HTR2C: variants seen among roughly 807,000 people sequenced by gnomAD.
HTR2C encodes 5-hydroxytryptamine receptor 2C.
A neutral mutation model predicts 21.0 loss-of-function variants in HTR2C; 5 were observed. That is an observed-to-expected ratio of 0.24 (90% confidence interval 0.12 to 0.50). HTR2C has a LOEUF of 0.50. Ranked by LOEUF, HTR2C falls within the 20% of genes least tolerant of loss-of-function variation. The pLI is 0.98. For synonymous variants in HTR2C, 150 were observed against 145.3 expected (o/e 1.03, Z -0.23); for missense variants, 271 against 371.2 (o/e 0.73, Z 2.22).
intron 2 of HTR2C, among the ~76,000 whole-genome samples, chrX:114,650,840 G>A (rs1269219832): frequency 9.0e-6 from 1 of 111,349 alleles, no homozygotes; most frequent in African/African-American, 3.3e-5. Context: ...ATCTAGTCAG[G>A]GCTGTCGAAT....
intron 2 of HTR2C, among the ~76,000 whole-genome samples, chrX:114,646,715 T>G (rs1031713082): frequency 2.7e-5 from 3 of 112,274 alleles, no homozygotes; most frequent in Non-Finnish European, 5.6e-5. Context: ...TTGTTGCCTG[T>G]GCTTTTGGGG....
chrX:114,809,530 C>T (rs1430864643), intron 4 of HTR2C, among the ~76,000 whole-genome samples: 2 of 109,191 alleles, frequency 1.8e-5, no homozygotes, highest in East Asian at 5.8e-4. Context: ...CTTACAGGCG[C>T]CCGCCACCAC....
intron 4 of HTR2C, among the ~76,000 whole-genome samples, chrX:114,800,285 T>C (rs782210421): frequency 1.3e-3 from 147 of 111,813 alleles, no homozygotes; most frequent in African/African-American, 4.5e-3. Context: ...TAGAACACCA[T>C]ATTTTTCCTG....
intron 1 of HTR2C, among the ~76,000 whole-genome samples, chrX:114,608,216 C>T (rs782333379): frequency 9.0e-6 from 1 of 111,362 alleles, no homozygotes; most frequent in Non-Finnish European, 1.9e-5. Flanking sequence ...CTTTTTCCTT[C>T]GAAGTAATGG....
At chrX:114,601,795 G>T (rs1365063053) in intron 1 of HTR2C, among the ~76,000 whole-genome samples, 21 of 103,863 alleles carry the variant, frequency 2.0e-4, no homozygotes, top group African/African-American at 5.3e-4. Flanking sequence ...GAAAATTTTG[G>T]GGGGGTGGTA....
chrX:114,586,107 G>A (rs1015863680), intron 1 of HTR2C, among the ~76,000 whole-genome samples: 4 of 112,067 alleles, frequency 3.6e-5, no homozygotes, highest in Non-Finnish European at 7.5e-5. Context: ...GAAACAAGGT[G>A]TTACTGTGTA....
chrX:114,594,077 T>C (rs1927737200), intron 1 of HTR2C, among the ~76,000 whole-genome samples: 2 of 110,951 alleles, frequency 1.8e-5, no homozygotes, highest in African/African-American at 6.7e-5. Flanking sequence ...AAGATATCTT[T>C]GGCTATTAAT....
intron 4 of HTR2C, among the ~76,000 whole-genome samples, chrX:114,800,756 A>G (rs1374387071): frequency 8.9e-6 from 1 of 111,741 alleles, no homozygotes; most frequent in Non-Finnish European, 1.9e-5. Context: ...CAATAAAGAC[A>G]AAGACCAATC....
intron 2 of HTR2C, among the ~76,000 whole-genome samples, chrX:114,721,831 T>A (rs1933229542): frequency 9.2e-6 from 1 of 109,209 alleles, no homozygotes; most frequent in South Asian, 4.1e-4. Flanking sequence ...TAGTTGTAGG[T>A]ATGCGGCGTT....
rs1049486055 is a variant in HTR2C at position 114,847,927 on chromosome X, A to G, written c.350-76A>G. The G allele has an allele frequency of 2.0e-5, 15 of 764,592 alleles. No homozygotes were observed. In the African/African-American group the frequency reaches 3.0e-4, roughly 15 times the overall value. 63.0% of individuals were successfully genotyped at this position (764,592 alleles called of 1,213,427 possible). ...AAAGGTTTAGATTATGAGAAAATAT[A>G]AGCAGACTAAAATTTGAGACTATAG... On this transcript the variant is annotated intron_variant, in intron 4 of 5. Transcript: ENST00000276198.
chrX:114,879,413 T>A (rs2147517697), intron 5 of HTR2C, among the ~76,000 whole-genome samples: 1 of 110,358 alleles, frequency 9.1e-6, no homozygotes, highest in South Asian at 3.8e-4. Context: ...GGGATTCTCT[T>A]ATGAAAACTT....
intron 2 of HTR2C, among the ~76,000 whole-genome samples, chrX:114,628,858 A>C (rs1363052039): frequency 8.9e-6 from 1 of 112,167 alleles, no homozygotes; most frequent in Non-Finnish European, 1.9e-5. Context: ...ATTTAGGATT[A>C]AGGCTGTTGA....
intron 4 of HTR2C, among the ~76,000 whole-genome samples, chrX:114,789,779 C>G (rs1432708036): frequency 1.8e-5 from 2 of 111,098 alleles, no homozygotes; most frequent in African/African-American, 6.6e-5. Flanking sequence ...TGGGGATGAT[C>G]ATAGTATGTG....
At chrX:114,851,754 C>T (rs1300010912) in intron 5 of HTR2C, among the ~76,000 whole-genome samples, 4 of 111,317 alleles carry the variant, frequency 3.6e-5, no homozygotes, top group African/African-American at 6.5e-5. Flanking sequence ...GCCAGACTCA[C>T]CTTTTACTTT....
intron 5 of HTR2C, among the ~76,000 whole-genome samples, chrX:114,890,044 T>TA (rs1362110714): frequency 8.9e-6 from 1 of 112,238 alleles, no homozygotes; most frequent in Non-Finnish European, 1.9e-5. Flanking sequence ...TGAAGGGACT[T>TA]ACTCTAACAT....
chrX:114,662,266 ATAT>A (rs782789307), intron 2 of HTR2C, among the ~76,000 whole-genome samples: 1 of 111,621 alleles, frequency 9.0e-6, no homozygotes, highest in Non-Finnish European at 1.9e-5. Context: ...TTTTATAATG[ATAT>A]TATTATTATA....
At chrX:114,715,708 T>A (rs1932981536) in intron 2 of HTR2C, among the ~76,000 whole-genome samples, 1 of 111,995 alleles carries the variant, frequency 8.9e-6, no homozygotes, top group Non-Finnish European at 1.9e-5. Context: ...TTAAAAGATA[T>A]CTAACCTCAA....
intron 4 of HTR2C, among the ~76,000 whole-genome samples, chrX:114,788,020 T>C (rs2070195187): frequency 9.0e-6 from 1 of 110,844 alleles, no homozygotes; most frequent in African/African-American, 3.3e-5. Context: ...TTGATACATT[T>C]TGAGTTCAGA....
intron 5 of HTR2C, among the ~76,000 whole-genome samples, chrX:114,851,470 C>T (rs2070917295): frequency 9.0e-6 from 1 of 111,332 alleles, no homozygotes; most frequent in Non-Finnish European, 1.9e-5. Context: ...ATGATTCTTC[C>T]CTAAGCTATC....
Sources: allele counts gnomAD v4.1 joint callset (sites outside exome capture counted in the v4.1 genomes callset), GRCh38; gene constraint gnomAD v4.1.1; transcripts MANE v1.5; gene names NCBI Gene and HGNC (gene_info 2026-07-23, HGNC 2026-07-21).